The following PARD3 variants were observed in gnomAD, a reference collection of about 807,000 sequenced individuals.
PARD3 encodes par-3 family cell polarity regulator.
In PARD3, 75 loss-of-function variants were observed where a neutral mutation model predicts 155.4. That is an observed-to-expected ratio of 0.48 (90% CI 0.40 to 0.58). The LOEUF (loss-of-function observed/expected upper bound fraction) is 0.58, where lower values mean the gene tolerates loss of function less well. Ranked by LOEUF, PARD3 falls within the 20% of genes least tolerant of loss-of-function variation. The pLI is 0.00. For synonymous variants in PARD3, 576 were observed against 610.5 expected (o/e 0.94, Z 0.83); for missense variants, 1,642 against 1,721.7 (o/e 0.95, Z 0.82).
At chr10:34,671,709 T>G (rs1034990042) in intron 2 of PARD3, among the ~76,000 whole-genome samples, 8 of 152,192 alleles carry the variant, frequency 5.3e-5, no homozygotes, top group African/African-American at 1.4e-4. Flanking sequence ...CAGGGAGAAT[T>G]CTTTTCACAG....
intron 2 of PARD3, among the ~76,000 whole-genome samples, chr10:34,566,357 C>T (rs938278871): frequency 2.0e-5 from 3 of 152,168 alleles, no homozygotes; most frequent in African/African-American, 7.2e-5. Context: ...CAGATTTTGA[C>T]TAATTCCAAA....
intron 7 of PARD3, among the ~76,000 whole-genome samples, chr10:34,385,663 T>G (rs147763189): frequency 6.6e-6 from 1 of 152,244 alleles, no homozygotes; most frequent in South Asian, 2.1e-4. Context: ...CATCTGTGTA[T>G]GTTTTCCAGT....
At chr10:34,150,460 G>A (rs1948723571) in intron 22 of PARD3, among the ~76,000 whole-genome samples, 1 of 152,206 alleles carries the variant, frequency 6.6e-6, no homozygotes, top group African/African-American at 2.4e-5. Flanking sequence ...AGAAAATAAC[G>A]ATTTTTACTT....
At chr10:34,179,003 T>G (rs1950151976) in intron 22 of PARD3, among the ~76,000 whole-genome samples, 1 of 152,036 alleles carries the variant, frequency 6.6e-6, no homozygotes, top group African/African-American at 2.4e-5. Flanking sequence ...GCAAACACAC[T>G]GACCCTGCCC....
At chr10:34,338,593 C>G (rs993768461) in intron 16 of PARD3, among the ~76,000 whole-genome samples, 2 of 152,090 alleles carry the variant, frequency 1.3e-5, no homozygotes, top group Admixed American at 1.3e-4. Flanking sequence ...CTTTTCCAAC[C>G]CTTTATGGCC....
intron 22 of PARD3, among the ~76,000 whole-genome samples, chr10:34,177,787 C>T (rs16935190): frequency 0.069 from 10,480 of 152,224 alleles, 789 homozygotes; most frequent in African/African-American, 0.19. Flanking sequence ...CGCTCATATC[C>T]GCCCTTCCAG....
chr10:34,132,816 C>A (rs552381428), intron 22 of PARD3, among the ~76,000 whole-genome samples: 25 of 152,244 alleles, frequency 1.6e-4, no homozygotes, highest in African/African-American at 5.8e-4. Context: ...CCACGCCCCC[C>A]TATCCTGCAC....
intron 22 of PARD3, among the ~76,000 whole-genome samples, chr10:34,149,360 G>C (rs952129532): frequency 6.6e-6 from 1 of 151,894 alleles, no homozygotes; most frequent in Admixed American, 6.6e-5. Context: ...TTTGTAATAA[G>C]ACCAAGAATA....
At chr10:34,714,639 C>T (rs79764561) in intron 1 of PARD3, among the ~76,000 whole-genome samples, 3,123 of 152,260 alleles carry the variant, frequency 0.021, 48 homozygotes, top group Admixed American at 0.045. Context: ...GAGTTCCCAT[C>T]TCCTTGCAGG....
intron 5 of PARD3, among the ~76,000 whole-genome samples, chr10:34,407,514 C>T (rs539622136): frequency 2.5e-4 from 38 of 152,346 alleles, no homozygotes; most frequent in African/African-American, 8.9e-4. Context: ...ATGCCATAGT[C>T]GTAAGCTGCT....
At chr10:34,125,364 C>T (rs1947229478) in intron 23 of PARD3, among the ~76,000 whole-genome samples, 1 of 152,096 alleles carries the variant, frequency 6.6e-6, no homozygotes. Flanking sequence ...CGTGCCCGGC[C>T]CTCCAGGTCT....
intron 3 of PARD3, among the ~76,000 whole-genome samples, chr10:34,484,093 C>A (rs966149525): frequency 9.9e-5 from 15 of 152,086 alleles, no homozygotes; most frequent in Non-Finnish European, 1.8e-4. Flanking sequence ...GCAAAAAGCA[C>A]GAAAAACATG....
intron 1 of PARD3, among the ~76,000 whole-genome samples, chr10:34,751,331 C>CA (rs1368428887): frequency 6.6e-6 from 1 of 152,124 alleles, no homozygotes; most frequent in African/African-American, 2.4e-5. Context: ...GCTTATAAGA[C>CA]AGAGAGGTGC....
chr10:34,716,977 C>T (rs1474545127), intron 1 of PARD3, among the ~76,000 whole-genome samples: 1 of 151,918 alleles, frequency 6.6e-6, no homozygotes, highest in African/African-American at 2.4e-5. Flanking sequence ...TTTTGTTTTA[C>T]CTCATCAGAT....
At chr10:34,463,217 A>G (rs1286959682) in intron 4 of PARD3, among the ~76,000 whole-genome samples, 16 of 127,296 alleles carry the variant, frequency 1.3e-4, no homozygotes, top group Non-Finnish European at 8.4e-5. Flanking sequence ...GAAGGGAAAG[A>G]AAAGGGGAAG....
At chr10:34,496,916 T>C (rs373391129) in intron 3 of PARD3, among the ~76,000 whole-genome samples, 1 of 152,020 alleles carries the variant, frequency 6.6e-6, no homozygotes, top group Non-Finnish European at 1.5e-5. Flanking sequence ...TTTTAAAATG[T>C]ATACTAAAAT....
chr10:34,149,045 AT>A (rs1488709481), intron 22 of PARD3, among the ~76,000 whole-genome samples: 12 of 152,196 alleles, frequency 7.9e-5, no homozygotes, highest in Non-Finnish European at 1.2e-4. Flanking sequence ...ATGCCATTGT[AT>A]AATAAGTATC....
Position 34,111,083 on chromosome 10 carries a change from G to A in PARD3, c.*86C>T, listed in dbSNP as rs1030162329. 37 of 1,407,652 alleles carry A rather than the reference G, an allele frequency of 2.6e-5. No homozygotes were observed. The Middle Eastern group carries it at 6.6e-4, about 25-fold the overall frequency. 87.2% of individuals were successfully genotyped at this position (1,407,652 alleles called of 1,614,324 possible). ...AACAGAAATACTCCATAGTACCATC[G>A]AGGTTTTAAAAAAACTCCCAAAATA... On this transcript the variant is annotated 3_prime_UTR_variant, in exon 25 of 25. Coordinates refer to ENST00000374788, the MANE Select transcript of PARD3 (RefSeq NM_001184785.2).
At chr10:34,424,537 C>CA (rs1405759063) in intron 5 of PARD3, among the ~76,000 whole-genome samples, 1 of 151,794 alleles carries the variant, frequency 6.6e-6, no homozygotes, top group Non-Finnish European at 1.5e-5. Context: ...TATTTTGAGA[C>CA]AGAGTCTTGC....
Sources: gnomAD v4.1 joint callset for allele counts (sites outside exome capture counted in the v4.1 genomes callset) on GRCh38, gnomAD v4.1.1 for gene constraint, MANE v1.5 for transcripts, NCBI Gene and HGNC (gene_info 2026-07-23, HGNC 2026-07-21) for gene names.